The following RYR3 variants were observed in gnomAD, a reference collection of about 807,000 sequenced individuals.
RYR3 encodes the protein ryanodine receptor 3.
Under a neutral mutation model 584.3 loss-of-function variants are expected in RYR3, and 207 were observed. That is an observed-to-expected ratio of 0.35 (90% CI 0.32 to 0.40). The LOEUF (loss-of-function observed/expected upper bound fraction) is 0.40. RYR3 is among the 10% of genes least tolerant of loss of function. The probability of loss-of-function intolerance (pLI) is 1.00; values close to 1 mark genes in which losing one functional copy is unlikely to be tolerated. For synonymous variants in RYR3, 2,416 were observed against 2,248.5 expected, an observed-to-expected ratio of 1.07 and a Z score of -2.11; for missense variants, 5,616 against 6,089.2, an observed-to-expected ratio of 0.92 and a Z score of 2.59.
At chr15:33,598,593 C>T (rs1567629496) in intron 16 of RYR3, among the ~76,000 whole-genome samples, 1 of 151,160 alleles carries the variant, frequency 6.6e-6, no homozygotes, top group Admixed American at 6.6e-5. Context: ...AGTGATGGGT[C>T]TTAGGCTATA....
chr15:33,567,684 C>G (rs2057787441), intron 12 of RYR3, among the ~76,000 whole-genome samples: 1 of 152,156 alleles, frequency 6.6e-6, no homozygotes, highest in Non-Finnish European at 1.5e-5. Context: ...GCTCTGACAT[C>G]TCCCACAGAT....
chr15:33,680,119 G>A (rs138083106), intron 38 of RYR3, among the ~76,000 whole-genome samples: 2 of 152,156 alleles, frequency 1.3e-5, no homozygotes, highest in African/African-American at 4.8e-5. Flanking sequence ...TATGAAAAAT[G>A]AGAATAATAG....
rs1222474593 is a variant in RYR3, at chr15:33,857,765, T to C, written c.14008-15T>C. 6 of 1,613,948 alleles carry C rather than the reference T, an allele frequency of 3.7e-6. No individual in the cohort carries two copies. The highest frequency in any genetic ancestry group is 5.1e-6 in the Non-Finnish European group (6 of 1,179,838). The stretch of plus-strand genomic sequence containing the variant: ...GACCCCACTCCTTTTCCTTTCTCTG[T>C]CCTCTCATTCCCAGTTGGTTCTGAC... On this transcript the variant is annotated splice_polypyrimidine_tract_variant and intron_variant, in intron 98 of 103. Coordinates refer to ENST00000634891, the MANE Select transcript of RYR3 (RefSeq NM_001036.6).
intron 45 of RYR3, among the ~76,000 whole-genome samples, chr15:33,725,942 C>G (rs1255641048): frequency 8.2e-6 from 1 of 121,984 alleles, no homozygotes; most frequent in Non-Finnish European, 1.6e-5. Flanking sequence ...TGCACTCCAG[C>G]CTGGGTGACA....
At chr15:33,787,858 G>A (rs1020533357) in intron 66 of RYR3, among the ~76,000 whole-genome samples, 1 of 152,246 alleles carries the variant, frequency 6.6e-6, no homozygotes, top group East Asian at 1.9e-4. Flanking sequence ...TTTACAATCT[G>A]CTAGTGAGCC....
Position 33,825,669 on chromosome 15 carries a change from A to G in RYR3, c.11139A>G (p.Glu3713=), listed in dbSNP as rs763958682. The G allele has an allele frequency of 6.9e-6, 11 of 1,600,360 alleles. No homozygotes were observed. The East Asian group carries it at 2.2e-4, about 32-fold the overall frequency. Reference sequence around the variant, plus strand: ...AAGGCCTGGGGATGGTGACTGAAGAAGGAACACGTAAGTAACTAATGAATG... The same window carrying G: ...AAGGCCTGGGGATGGTGACTGAAGAGGGAACACGTAAGTAACTAATGAATG... ...KAEGLGMVTE[E]GTLIVRERGE... The change falls in exon 82 of 104, where the codon GAA becomes GAG. Residue 3713 remains glutamate (E), a synonymous_variant. Transcript: ENST00000634891.
At chr15:33,441,897 G>A (rs1406392922) in intron 1 of RYR3, among the ~76,000 whole-genome samples, 1 of 152,150 alleles carries the variant, frequency 6.6e-6, no homozygotes, top group African/African-American at 2.4e-5. Context: ...AGAAGACACA[G>A]GATAAGAAGA....
At chr15:33,525,598 G>T (rs1362172174) in intron 3 of RYR3, among the ~76,000 whole-genome samples, 6 of 152,116 alleles carry the variant, frequency 3.9e-5, no homozygotes, top group Admixed American at 2.6e-4. Flanking sequence ...TTTGTAGTTT[G>T]ATTTTAAAGG....
At chr15:33,804,843 T>A (rs1216088869) in intron 69 of RYR3, among the ~76,000 whole-genome samples, 1 of 152,150 alleles carries the variant, frequency 6.6e-6, no homozygotes, top group Non-Finnish European at 1.5e-5. Flanking sequence ...GTTGTAAAAA[T>A]GAAGTTAGCC....
At chr15:33,516,636 T>G (rs1306340172) in intron 3 of RYR3, among the ~76,000 whole-genome samples, 2 of 151,918 alleles carry the variant, frequency 1.3e-5, no homozygotes, top group African/African-American at 4.8e-5. Flanking sequence ...ACCCCTGGCC[T>G]GTAAGATCTA....
chr15:33,513,309 A>G lies in RYR3; in HGVS notation c.279+9571A>G, dbSNP rs540976296. On this transcript the variant is annotated intron_variant, in intron 3 of 103. Coordinates refer to ENST00000634891, the MANE Select transcript of RYR3 (RefSeq NM_001036.6). ...GAGCACCGATCTGGATATTCTGGTA[A>G]AGAAAAGTTAACTTGGTGCTAGAGA... 2.0e-5 allele frequency among the ~76,000 whole-genome samples: 3 copies of G among 152,300 alleles called. No individual in the cohort carries two copies. The East Asian group carries it at 5.8e-4, about 29-fold the overall frequency.
At position 33,831,024 on chromosome 15, in the gene RYR3, A is replaced by G. The variant is rs755915448; in HGVS notation, c.11396A>G (p.Gln3799Arg). The change falls in exon 86 of 104, where the codon CAG becomes CGG. Residue 3799 changes from glutamine to arginine, a missense_variant. By Grantham distance (43) the Gln-to-Arg change is conservative. Coordinates refer to ENST00000634891, the MANE Select transcript of RYR3 (RefSeq NM_001036.6). ...SGKDIIDESG[Q>R]HNFSKALAVT... The stretch of plus-strand genomic sequence containing the variant: ...AAGGACATCATTGATGAATCTGGAC[A>G]GCACAATTTTTCCAAAGCTCTGGCA... 13 of 1,613,766 alleles carry G rather than the reference A, an allele frequency of 8.1e-6. No individual in the cohort carries two copies. Among genetic ancestry groups the G allele is most frequent in the Non-Finnish European group, 1.0e-5 (12 of 1,179,710 alleles).
intron 1 of RYR3, among the ~76,000 whole-genome samples, chr15:33,376,115 C>G (rs1468690873): frequency 6.6e-6 from 1 of 152,156 alleles, no homozygotes; most frequent in African/African-American, 2.4e-5. Flanking sequence ...CTTCTTGTCC[C>G]TTTTCAGGCA....
chr15:33,453,067 T>TGCTGCAC (rs2047261308), intron 1 of RYR3, among the ~76,000 whole-genome samples: 1 of 32,920 alleles, frequency 3.0e-5, no homozygotes, highest in Non-Finnish European at 7.2e-5. Context: ...ACTAGGGTTT[T>TGCTGCAC]TTTCCTTAGG....
chr15:33,400,078 A>G (rs2042551771), intron 1 of RYR3, among the ~76,000 whole-genome samples: 1 of 152,150 alleles, frequency 6.6e-6, no homozygotes, highest in African/African-American at 2.4e-5. Flanking sequence ...CTGACTTCTT[A>G]TCTCATGGAT....
chr15:33,834,321 C>CAT (rs750518976), intron 86 of RYR3, among the ~76,000 whole-genome samples: 254 of 140,266 alleles, frequency 1.8e-3, no homozygotes, highest in Non-Finnish European at 3.0e-3. Context: ...CACACACACA[C>CAT]ACAGTGAGAT....
rs560731870 is a variant in RYR3 at position 33,578,798 on chromosome 15, C to T, written c.1269-1178C>T. Among the ~76,000 whole-genome samples, 7 of 138,116 alleles carry T rather than the reference C, an allele frequency of 5.1e-5. No individual in the cohort carries two copies. In the South Asian group the frequency reaches 1.6e-3, roughly 31 times the overall value. 90.6% of individuals were successfully genotyped at this position (138,116 alleles called of 152,430 possible). A position where few individuals can be genotyped will look rare whatever the true frequency, so the allele number is the denominator to read the frequency against. ...AAAAAACAACAACAAAAAAAAACTC[C>T]TCGTGATGTTACTTGCACATTGAGC... On this transcript the variant is annotated intron_variant, in intron 12 of 103. Coordinates refer to ENST00000634891, the MANE Select transcript of RYR3 (RefSeq NM_001036.6).
At chr15:33,447,778 C>T (rs1273273831) in intron 1 of RYR3, among the ~76,000 whole-genome samples, 4 of 152,188 alleles carry the variant, frequency 2.6e-5, no homozygotes, top group Non-Finnish European at 4.4e-5. Flanking sequence ...TCCATCATCA[C>T]TGAAAGTTCT....
At chr15:33,614,243 A>G (rs2060338425) in intron 19 of RYR3, among the ~76,000 whole-genome samples, 1 of 152,178 alleles carries the variant, frequency 6.6e-6, no homozygotes, top group South Asian at 2.1e-4. Context: ...TTAACTGCAG[A>G]GATATTAATG....
Sources: allele counts gnomAD v4.1 joint callset (sites outside exome capture counted in the v4.1 genomes callset), GRCh38; gene constraint gnomAD v4.1.1; transcripts MANE v1.5; gene names NCBI Gene and HGNC (gene_info 2026-07-23, HGNC 2026-07-21).